Variants in EGFLAM observed in about 807,000 individuals in gnomAD.
The protein encoded by EGFLAM is pikachurin.
Under a neutral mutation model 113.1 loss-of-function variants are expected in EGFLAM, and 79 were observed. The ratio of observed to expected loss-of-function variants is 0.70; its 90% confidence interval spans 0.58 to 0.84. EGFLAM has a LOEUF of 0.84. Among genes scored for constraint, EGFLAM ranks in the 40% least tolerant of loss-of-function variants. The pLI is 0.00. For missense variants in EGFLAM, 1,265 were observed against 1,291.6 expected, an observed-to-expected ratio of 0.98 and a Z score of 0.32; for synonymous variants, 504 against 487.6, an observed-to-expected ratio of 1.03 and a Z score of -0.44.
chr5:38,370,353 G>A lies in EGFLAM; in HGVS notation c.603G>A (p.Met201Ile). 1.2e-6 allele frequency: 2 copies of A among 1,614,200 alleles called. No individual in the cohort carries two copies. The highest frequency in any genetic ancestry group is 1.7e-6 in the Non-Finnish European group (2 of 1,180,034). ...SIHERIQMDS[M>I]VIKGLDPDTN... is the part of the protein sequence containing the mutation. ...ATGAGCGGATCCAGATGGACTCCAT[G>A]GTTATCAAGGGCCTCGATCCAGATA... The change falls in exon 6 of 22, where the codon ATG becomes ATA. Residue 201 changes from methionine to isoleucine, a missense_variant. Met to Ile is a conservative substitution (Grantham distance 10). Coordinates refer to ENST00000322350, the MANE Select transcript of EGFLAM (RefSeq NM_152403.4).
At chr5:38,309,211 G>A (rs1758802372) in intron 1 of EGFLAM, among the ~76,000 whole-genome samples, 1 of 152,122 alleles carries the variant, frequency 6.6e-6, no homozygotes, top group African/African-American at 2.4e-5. Context: ...ACATAATAAT[G>A]TGCTACTGCA....
chr5:38,371,625 C>CGCACACACACAT (rs781631237), intron 6 of EGFLAM, among the ~76,000 whole-genome samples: 2 of 137,216 alleles, frequency 1.5e-5, no homozygotes, highest in African/African-American at 2.7e-5. Flanking sequence ...CACACACATA[C>CGCACACACACAT]ACACACACAC....
chr5:38,280,473 G>A (rs948324832), intron 1 of EGFLAM, among the ~76,000 whole-genome samples: 1 of 152,166 alleles, frequency 6.6e-6, no homozygotes, highest in Non-Finnish European at 1.5e-5. Flanking sequence ...GAGAGCAGGG[G>A]AGAGAATTTG....
chr5:38,361,605 C>T (rs374263654), intron 5 of EGFLAM, among the ~76,000 whole-genome samples: 84 of 151,382 alleles, frequency 5.5e-4, no homozygotes, highest in African/African-American at 2.0e-3. Flanking sequence ...AACACACTAA[C>T]GATAGCTGAT....
chr5:38,326,801 ATTT>A (rs377427126), intron 1 of EGFLAM, among the ~76,000 whole-genome samples: 1 of 134,682 alleles, frequency 7.4e-6, no homozygotes. Context: ...CCGTAAGGGT[ATTT>A]TTTTTTTTTT....
At position 38,464,050 on chromosome 5, in the gene EGFLAM, C is replaced by A; in HGVS notation, c.*64C>A. On this transcript the variant is annotated 3_prime_UTR_variant, in exon 22 of 22. Transcript: ENST00000322350. ...CTGAGAATCCCAGGGGCCCTCAGAC[C>A]CTGCCTGATGCTATATGCAGAGGCC... The A allele has an allele frequency of 4.4e-6, 7 of 1,600,578 alleles. No individual in the cohort carries two copies. Among genetic ancestry groups the A allele is most frequent in the Non-Finnish European group, 6.0e-6 (7 of 1,170,806 alleles).
In EGFLAM at chr5:38,448,398, C is replaced by T. The variant is rs982174539; in HGVS notation, c.2543+19C>T. ...TGAAGAGGTAATAAGCTTCAACAGG[C>T]ACCTTCCTCAGCTTTCTGGGGGTAA... On this transcript the variant is annotated intron_variant, in intron 18 of 21. Coordinates refer to ENST00000322350, the MANE Select transcript of EGFLAM (RefSeq NM_152403.4). The T allele has an allele frequency of 1.9e-6, 3 of 1,612,830 alleles. No individual in the cohort carries two copies. Among genetic ancestry groups the T allele is most frequent in the African/African-American group, 2.7e-5 (2 of 74,892 alleles).
intron 1 of EGFLAM, among the ~76,000 whole-genome samples, chr5:38,328,980 G>T (rs916284579): frequency 1.3e-5 from 2 of 151,874 alleles, no homozygotes; most frequent in Admixed American, 1.3e-4. Context: ...AGCTTAGAAA[G>T]GTTCTTCCTC....
At chr5:38,327,324 A>G (rs1178168439) in intron 1 of EGFLAM, among the ~76,000 whole-genome samples, 1 of 152,188 alleles carries the variant, frequency 6.6e-6, no homozygotes, top group Non-Finnish European at 1.5e-5. Context: ...CCACACCCAC[A>G]TGTCTTTTGA....
intron 3 of EGFLAM, among the ~76,000 whole-genome samples, chr5:38,345,072 C>T (rs1156553354): frequency 6.6e-6 from 1 of 152,174 alleles, no homozygotes; most frequent in East Asian, 1.9e-4. Flanking sequence ...AAACCAGGTG[C>T]TCATTTCAGA....
intron 13 of EGFLAM, among the ~76,000 whole-genome samples, chr5:38,425,319 C>A (rs1741965785): frequency 6.6e-6 from 1 of 152,094 alleles, no homozygotes; most frequent in African/African-American, 2.4e-5. Flanking sequence ...GCTGGAACTA[C>A]AGGCGCCCAG....
At chr5:38,361,021 AT>A (rs35274664) in intron 5 of EGFLAM, among the ~76,000 whole-genome samples, 23,648 of 138,058 alleles carry the variant, frequency 0.17, 2,517 homozygotes, top group African/African-American at 0.33. Context: ...CGCCCAGCTA[AT>A]TTTTTTTTTT....
At chr5:38,314,184 A>G (rs1279013131) in intron 1 of EGFLAM, among the ~76,000 whole-genome samples, 1 of 152,204 alleles carries the variant, frequency 6.6e-6, no homozygotes, top group East Asian at 1.9e-4. Flanking sequence ...ATTAAGCTAG[A>G]AATTGATTTT....
chr5:38,357,070 C>T (rs1205368655), intron 5 of EGFLAM, among the ~76,000 whole-genome samples: 6 of 152,148 alleles, frequency 3.9e-5, no homozygotes, highest in Non-Finnish European at 7.3e-5. Flanking sequence ...CATCTATGAA[C>T]CAGAAAGGAG....
At chr5:38,366,420 A>G (rs1349678706) in intron 5 of EGFLAM, among the ~76,000 whole-genome samples, 1 of 152,218 alleles carries the variant, frequency 6.6e-6, no homozygotes, top group African/African-American at 2.4e-5. Flanking sequence ...TGAAAATGGA[A>G]CTGTGCTTAC....
At chr5:38,442,743 T>C (rs1159059656) in intron 17 of EGFLAM, among the ~76,000 whole-genome samples, 3 of 152,160 alleles carry the variant, frequency 2.0e-5, no homozygotes, top group Non-Finnish European at 4.4e-5. Context: ...GTTGCCAAGA[T>C]TCCTGCACCT....
chr5:38,282,714 A>G (rs1162762253), intron 1 of EGFLAM: 2 of 152,220 alleles, frequency 1.3e-5, no homozygotes, highest in Non-Finnish European at 2.9e-5. Flanking sequence ...ATTTTGATAG[A>G]CAACTGTTCC....
intron 1 of EGFLAM, among the ~76,000 whole-genome samples, chr5:38,274,482 G>T (rs749593071): frequency 2.6e-5 from 4 of 152,096 alleles, no homozygotes; most frequent in Non-Finnish European, 5.9e-5. Flanking sequence ...ACATATAAGG[G>T]ATTTCCAATA....
chr5:38,464,907 A>T lies in EGFLAM; in HGVS notation c.*921A>T, dbSNP rs1458342808. 1 of 152,208 alleles carries T rather than the reference A, an allele frequency of 6.6e-6. No individual in the cohort carries two copies. Among genetic ancestry groups the T allele is most frequent in the Non-Finnish European group, 1.5e-5 (1 of 68,046 alleles). 9.4% of individuals were successfully genotyped at this position (152,208 alleles called of 1,614,324 possible). On this transcript the variant is annotated 3_prime_UTR_variant, in exon 22 of 22. Transcript: ENST00000322350. ...GAGGATGAATATGAAGCTTTCCAAG[A>T]TAAGCAGATTAAAAGGAACATGTGT...
Sources: gnomAD v4.1 joint callset for allele counts (sites outside exome capture counted in the v4.1 genomes callset) on GRCh38, gnomAD v4.1.1 for gene constraint, MANE v1.5 for transcripts, NCBI Gene and HGNC (gene_info 2026-07-23, HGNC 2026-07-21) for gene names.